NFIB: variants seen among roughly 807,000 people sequenced by gnomAD.
The protein encoded by NFIB is nuclear factor I B.
A neutral mutation model predicts 61.5 loss-of-function variants in NFIB; 11 were observed. The ratio of observed to expected loss-of-function variants is 0.18; its 90% CI spans 0.11 to 0.30. NFIB has a LOEUF of 0.30. Among genes scored for constraint, NFIB ranks in the 10% least tolerant of loss-of-function variants. NFIB has a pLI of 1.00. For missense variants in NFIB, 471 were observed against 608.9 expected (o/e 0.77, Z 2.38); for synonymous variants, 260 against 216.5 (o/e 1.20, Z -1.76).
chr9:14,381,646 G>T (rs188457476), intron 1 of NFIB, among the ~76,000 whole-genome samples: 1 of 152,340 alleles, frequency 6.6e-6, no homozygotes, highest in Non-Finnish European at 1.5e-5. Context: ...TGTGCACTGT[G>T]TGGAAGAAGA....
chr9:14,419,048 G>A, the NFIB span, among the ~76,000 whole-genome samples: 2 of 151,566 alleles, frequency 1.3e-5, no homozygotes, highest in African/African-American at 2.4e-5. Context: ...AATGTCTATC[G>A]GCAACCTGCA....
At chr9:14,324,746 A>G (rs545292907) in intron 1 of NFIB, among the ~76,000 whole-genome samples, 1 of 152,158 alleles carries the variant, frequency 6.6e-6, no homozygotes, top group African/African-American at 2.4e-5. Context: ...AGGCTTTCAT[A>G]TATTATCTTT....
At chr9:14,424,034 G>A in the NFIB span, among the ~76,000 whole-genome samples, 4 of 151,678 alleles carry the variant, frequency 2.6e-5, no homozygotes, top group Non-Finnish European at 4.4e-5. Context: ...GTGGGGGCTG[G>A]GTATGCTTGC....
the NFIB span, among the ~76,000 whole-genome samples, chr9:14,477,331 C>G: frequency 6.6e-6 from 1 of 152,198 alleles, no homozygotes; most frequent in Non-Finnish European, 1.5e-5. Flanking sequence ...AAGTCCCCCT[C>G]TGAAGTGACG....
intron 2 of NFIB, among the ~76,000 whole-genome samples, chr9:14,275,736 T>C (rs1041163868): frequency 6.6e-6 from 1 of 152,168 alleles, no homozygotes; most frequent in African/African-American, 2.4e-5. Context: ...GCTACATTCC[T>C]GTGGCAATTT....
chr9:14,116,704 A>G (rs2038199353), intron 8 of NFIB, among the ~76,000 whole-genome samples: 3 of 152,264 alleles, frequency 2.0e-5, no homozygotes, highest in Non-Finnish European at 4.4e-5. Context: ...AACTAGCTAC[A>G]GTTGGAACCC....
intron 2 of NFIB, among the ~76,000 whole-genome samples, chr9:14,202,774 A>G (rs1306679970): frequency 6.6e-6 from 1 of 152,216 alleles, no homozygotes; most frequent in African/African-American, 2.4e-5. Flanking sequence ...TTGTGATGTC[A>G]TATTTCTTAT....
intron 2 of NFIB, among the ~76,000 whole-genome samples, chr9:14,180,962 C>A (rs1483325603): frequency 6.6e-6 from 1 of 152,160 alleles, no homozygotes; most frequent in Middle Eastern, 3.2e-3. Flanking sequence ...CATATACTGA[C>A]AAGTCTCTTC....
At chr9:14,258,330 C>G (rs2056426303) in intron 2 of NFIB, among the ~76,000 whole-genome samples, 1 of 152,184 alleles carries the variant, frequency 6.6e-6, no homozygotes, top group East Asian at 1.9e-4. Context: ...AGTCAAAGAA[C>G]TTTTGCTGGT....
At chr9:14,380,854 G>A (rs940588031) in intron 1 of NFIB, among the ~76,000 whole-genome samples, 7 of 151,936 alleles carry the variant, frequency 4.6e-5, no homozygotes, top group African/African-American at 1.5e-4. Context: ...GCAGGGATTC[G>A]AACTAAAGGT....
chr9:14,417,646 A>C, the NFIB span, among the ~76,000 whole-genome samples: 1 of 152,196 alleles, frequency 6.6e-6, no homozygotes, highest in South Asian at 2.1e-4. Context: ...ACCAGATAGA[A>C]GTATTTTAAA....
intron 2 of NFIB, among the ~76,000 whole-genome samples, chr9:14,282,320 AG>A (rs1250979609): frequency 6.6e-6 from 1 of 152,246 alleles, no homozygotes; most frequent in Non-Finnish European, 1.5e-5. Flanking sequence ...CAATATCAAG[AG>A]GGCAATAAAT....
At chr9:14,329,576 G>A (rs1007397660) in intron 1 of NFIB, among the ~76,000 whole-genome samples, 2 of 151,718 alleles carry the variant, frequency 1.3e-5, no homozygotes, top group East Asian at 2.0e-4. Flanking sequence ...GTGCAGTGGC[G>A]CAACCTCGGC....
rs2044976707 is a variant in NFIB at position 14,167,363 on chromosome 9, C to T, written c.617-11470G>A. Among the ~76,000 whole-genome samples, 3 of 151,970 alleles carry T rather than the reference C, an allele frequency of 2.0e-5. No individual in the cohort carries two copies. In the South Asian group the frequency reaches 6.2e-4, roughly 31 times the overall value. On this transcript the variant is annotated intron_variant, in intron 3 of 10. Coordinates refer to ENST00000380953, the MANE Select transcript of NFIB (RefSeq NM_001190737.2). ...CTTAAGACCAGCCTGGACAACATAG[C>T]GAAACCCTACATCTACTAAAAATAC...
At chr9:14,209,634 G>A (rs2050104397) in intron 2 of NFIB, among the ~76,000 whole-genome samples, 1 of 152,230 alleles carries the variant, frequency 6.6e-6, no homozygotes, top group African/African-American at 2.4e-5. Context: ...ATATGGTATT[G>A]GTAATGGACG....
rs556245236 is a variant in NFIB, at chr9:14,248,502, C to G, written c.562+58487G>C. ...TCCAGGCTGGTCTCAAACTCTTGAA[C>G]TCAAGCAGTCCTCCTGCCTTAGCCT... is the stretch of plus-strand genomic sequence containing the variant. On this transcript the variant is annotated intron_variant, in intron 2 of 10. Transcript: ENST00000380953. Among the ~76,000 whole-genome samples, 8 of 152,254 alleles carry G rather than the reference C, an allele frequency of 5.3e-5. 1 individual carries two copies. Among genetic ancestry groups the G allele is most frequent in the Middle Eastern group, 3.4e-3 (1 of 294 alleles).
the NFIB span, among the ~76,000 whole-genome samples, chr9:14,442,429 C>T: frequency 1.3e-5 from 2 of 152,112 alleles, no homozygotes; most frequent in Admixed American, 1.3e-4. Flanking sequence ...CAGTAAAACA[C>T]GGCCATGTAT....
At chr9:14,460,229 G>A in the NFIB span, among the ~76,000 whole-genome samples, 1 of 152,116 alleles carries the variant, frequency 6.6e-6, no homozygotes, top group African/African-American at 2.4e-5. Context: ...GGACATGGAT[G>A]AAGCTGGAAA....
the NFIB span, among the ~76,000 whole-genome samples, chr9:14,420,175 G>A: frequency 6.6e-6 from 1 of 152,060 alleles, no homozygotes. Flanking sequence ...AGCCGGGCGT[G>A]CTGGCACACG....
Sources: allele counts gnomAD v4.1 joint callset (sites outside exome capture counted in the v4.1 genomes callset), GRCh38; gene constraint gnomAD v4.1.1; transcripts MANE v1.5; gene names NCBI Gene and HGNC (gene_info 2026-07-23, HGNC 2026-07-21).